IQSEC1: variants seen among roughly 807,000 people sequenced by gnomAD.
IQSEC1 encodes IQ motif and SEC7 domain-containing protein 1.
IQSEC1 carries 31 observed loss-of-function variants against 91.0 expected under a neutral mutation model. The observed-to-expected ratio is 0.34, with a 90% CI of 0.26 to 0.46. The LOEUF (loss-of-function observed/expected upper bound fraction) is 0.46. Ranked by LOEUF, IQSEC1 falls within the 20% of genes least tolerant of loss-of-function variation. The pLI is 1.00. For missense variants in IQSEC1, 1,388 were observed against 1,575.6 expected (o/e 0.88, Z 2.02); for synonymous variants, 699 against 662.6 (o/e 1.05, Z -0.84).
chr3:13,183,155 C>G (rs1375323485), intron 1 of IQSEC1, among the ~76,000 whole-genome samples: 5 of 150,132 alleles, frequency 3.3e-5, no homozygotes, highest in Non-Finnish European at 7.4e-5. Flanking sequence ...CAGAGCAAGA[C>G]TCTGTCCCCA....
chr3:13,075,943 A>G (rs530798039), upstream of IQSEC1, among the ~76,000 whole-genome samples: 1 of 152,208 alleles, frequency 6.6e-6, no homozygotes, highest in Non-Finnish European at 1.5e-5. Flanking sequence ...GCTGAGCTTC[A>G]CCTACCTCAT....
chr3:13,275,556 C>CT (rs1429713770), intron 1 of IQSEC1, among the ~76,000 whole-genome samples: 1 of 152,198 alleles, frequency 6.6e-6, no homozygotes, highest in African/African-American at 2.4e-5. Flanking sequence ...CTTCCCCTGC[C>CT]TTGACACCAT....
intron 1 of IQSEC1, among the ~76,000 whole-genome samples, chr3:12,965,543 G>A (rs1196424361): frequency 6.6e-6 from 1 of 152,224 alleles, no homozygotes; most frequent in African/African-American, 2.4e-5. Context: ...CGTGAACTAT[G>A]GGCTACACCT....
At chr3:13,044,684 C>T (rs562291932) in intron 1 of IQSEC1, among the ~76,000 whole-genome samples, 1 of 152,310 alleles carries the variant, frequency 6.6e-6, no homozygotes, top group Admixed American at 6.5e-5. Context: ...GCCCACTCCT[C>T]CCCCGCCCCC....
At chr3:13,172,257 C>T (rs1241738802) in intron 1 of IQSEC1, among the ~76,000 whole-genome samples, 2 of 152,146 alleles carry the variant, frequency 1.3e-5, no homozygotes, top group African/African-American at 4.8e-5. Context: ...GGGAGGTTTG[C>T]GGCTGGGGAG....
intron 1 of IQSEC1, among the ~76,000 whole-genome samples, chr3:13,026,872 TTTTTTTGTTTG>T (rs1353695796): frequency 3.2e-4 from 18 of 56,414 alleles, no homozygotes; most frequent in African/African-American, 5.9e-4. Context: ...CAGTTTTTTT[TTTTTTTGTTTG>T]TTTTTTTTTT....
intron 1 of IQSEC1, among the ~76,000 whole-genome samples, chr3:13,216,258 C>A (rs1694548457): frequency 6.6e-6 from 1 of 152,244 alleles, no homozygotes; most frequent in Admixed American, 6.5e-5. Flanking sequence ...AAATAGGCAG[C>A]CAACAGCGCA....
At chr3:13,146,480 AC>A (rs1706900383) in intron 2 of IQSEC1, among the ~76,000 whole-genome samples, 1 of 152,066 alleles carries the variant, frequency 6.6e-6, no homozygotes, top group Admixed American at 6.5e-5. Flanking sequence ...GGCAGTGATG[AC>A]CCCCATAAAA....
intron 2 of IQSEC1, among the ~76,000 whole-genome samples, chr3:13,126,997 CT>C (rs1250299600): frequency 6.6e-6 from 1 of 152,168 alleles, no homozygotes; most frequent in African/African-American, 2.4e-5. Flanking sequence ...ATGAGGTTCA[CT>C]TTTTTGGCCT....
chr3:12,971,620 G>T (rs1700900823), intron 1 of IQSEC1, among the ~76,000 whole-genome samples: 2 of 152,308 alleles, frequency 1.3e-5, no homozygotes, highest in Non-Finnish European at 1.5e-5. Context: ...CAGAACACTA[G>T]TATGCTTATA....
At chr3:12,906,212 G>A (rs1269375541) in intron 12 of IQSEC1, among the ~76,000 whole-genome samples, 3 of 152,196 alleles carry the variant, frequency 2.0e-5, no homozygotes, top group African/African-American at 7.2e-5. Flanking sequence ...GCAGTGACGT[G>A]TCAAACATGG....
intron 1 of IQSEC1, among the ~76,000 whole-genome samples, chr3:13,055,280 C>A (rs73813117): frequency 6.6e-6 from 1 of 152,234 alleles, no homozygotes; most frequent in Non-Finnish European, 1.5e-5. Context: ...CCCAGGGTAG[C>A]GAGGCGGAAG....
intron 1 of IQSEC1, among the ~76,000 whole-genome samples, chr3:13,244,835 C>T (rs562604823): frequency 2.0e-5 from 3 of 152,320 alleles, no homozygotes; most frequent in South Asian, 2.1e-4. Flanking sequence ...TCAAACAACA[C>T]AGCACAATGA....
At chr3:12,953,954 G>C (rs1180356179) in intron 1 of IQSEC1, among the ~76,000 whole-genome samples, 11 of 152,354 alleles carry the variant, frequency 7.2e-5, no homozygotes, top group African/African-American at 2.4e-4. Flanking sequence ...TGCCTAATTA[G>C]AGGGTAATTA....
intron 1 of IQSEC1, among the ~76,000 whole-genome samples, chr3:13,194,112 C>A (rs926698953): frequency 6.6e-6 from 1 of 152,100 alleles, no homozygotes; most frequent in Non-Finnish European, 1.5e-5. Flanking sequence ...GGATTAGGGC[C>A]ACCACCACGA....
chr3:13,166,082 A>G (rs1693489742), intron 1 of IQSEC1, among the ~76,000 whole-genome samples: 1 of 152,190 alleles, frequency 6.6e-6, no homozygotes, highest in Admixed American at 6.5e-5. Flanking sequence ...GCACTCCTAC[A>G]GGAAACTCCC....
intron 2 of IQSEC1, among the ~76,000 whole-genome samples, chr3:13,113,021 G>A (rs903157663): frequency 4.6e-5 from 7 of 152,252 alleles, no homozygotes; most frequent in African/African-American, 1.7e-4. Context: ...CGGGTCGCAA[G>A]CAGACACGCC....
At chr3:13,125,873 G>C (rs1034770362) in intron 2 of IQSEC1, among the ~76,000 whole-genome samples, 2 of 152,198 alleles carry the variant, frequency 1.3e-5, no homozygotes, top group African/African-American at 4.8e-5. Context: ...GTGCGGTCCT[G>C]CTAAAAGGGA....
chr3:13,189,980 A>G (rs1214454395), intron 1 of IQSEC1, among the ~76,000 whole-genome samples: 2 of 152,132 alleles, frequency 1.3e-5, no homozygotes, highest in Non-Finnish European at 2.9e-5. Context: ...ATGCCTGGAG[A>G]GCCAGCTCTG....
Sources: allele counts gnomAD v4.1 joint callset (sites outside exome capture counted in the v4.1 genomes callset), GRCh38; gene constraint gnomAD v4.1.1; transcripts MANE v1.5; gene names NCBI Gene and HGNC (gene_info 2026-07-23, HGNC 2026-07-21).